Variants in NRXN1 observed in about 807,000 individuals in gnomAD.
The protein encoded by NRXN1 is neurexin-1.
In NRXN1, 39 loss-of-function variants were observed where a neutral mutation model predicts 150.9. The observed-to-expected ratio is 0.26, with a 90% CI of 0.20 to 0.34. NRXN1 has a LOEUF of 0.34. Among genes scored for constraint, NRXN1 ranks in the 10% least tolerant of loss-of-function variants. The pLI is 1.00. For missense variants in NRXN1, 1,815 were observed against 1,949.9 expected (o/e 0.93, Z 1.30); for synonymous variants, 924 against 757.0 (o/e 1.22, Z -3.62).
intron 21 of NRXN1, among the ~76,000 whole-genome samples, chr2:49,996,943 C>T (rs1427922926): frequency 6.6e-6 from 1 of 152,018 alleles, no homozygotes; most frequent in Admixed American, 6.5e-5. Context: ...TCTTGGTGTA[C>T]CTCAACTTTT....
At chr2:50,904,699 T>C (rs1325402193) in intron 5 of NRXN1, among the ~76,000 whole-genome samples, 1 of 152,204 alleles carries the variant, frequency 6.6e-6, no homozygotes, top group African/African-American at 2.4e-5. Context: ...CTGTATTTTA[T>C]CTAGATACAT....
At chr2:50,778,533 A>G (rs559669415) in intron 5 of NRXN1, among the ~76,000 whole-genome samples, 1 of 152,348 alleles carries the variant, frequency 6.6e-6, no homozygotes, top group East Asian at 1.9e-4. Context: ...AGAGGTAGTA[A>G]GAAGGCCACT....
At chr2:49,975,701 G>A (rs1573166273) in intron 21 of NRXN1, among the ~76,000 whole-genome samples, 1 of 152,066 alleles carries the variant, frequency 6.6e-6, no homozygotes, top group Admixed American at 6.6e-5. Flanking sequence ...TTATGACTCA[G>A]AGCACCTGTC....
In NRXN1 at chr2:50,506,548, A is replaced by T. The variant is rs772262679; in HGVS notation, c.2444T>A (p.Val815Asp). ...TAACTTTAAACTTTTTCCACGCCGA[A>T]CTACACGCACTGTGTGCCACTCGTT... ...NDNEWHTVRV[V>D]RRGKSLKLTV... The change falls in exon 13 of 23, where the codon GTT becomes GAT. Residue 815 changes from valine to aspartate, a missense_variant. Val to Asp is a radical substitution (Grantham distance 152). Transcript: ENST00000401669. 1.9e-6 allele frequency: 3 copies of T among 1,613,014 alleles called. No homozygotes were observed. Among genetic ancestry groups the T allele is most frequent in the Non-Finnish European group, 1.7e-6 (2 of 1,179,398 alleles).
chr2:50,321,197 A>G (rs1326241213), intron 17 of NRXN1, among the ~76,000 whole-genome samples: 1 of 152,210 alleles, frequency 6.6e-6, no homozygotes, highest in Non-Finnish European at 1.5e-5. Flanking sequence ...CAGTATGCAG[A>G]AAAACCAGAC....
chr2:51,016,754 G>A (rs183884950), intron 2 of NRXN1, among the ~76,000 whole-genome samples: 2 of 152,200 alleles, frequency 1.3e-5, no homozygotes, highest in East Asian at 1.9e-4. Context: ...TCATTACTGG[G>A]TATATACCCA....
intron 21 of NRXN1, among the ~76,000 whole-genome samples, chr2:50,046,974 A>G (rs1255810988): frequency 6.6e-6 from 1 of 152,172 alleles, no homozygotes; most frequent in African/African-American, 2.4e-5. Context: ...CCTTCGACAA[A>G]TGGTTCCCAT....
chr2:50,875,367 A>C (rs1264718560), intron 5 of NRXN1, among the ~76,000 whole-genome samples: 2 of 151,828 alleles, frequency 1.3e-5, no homozygotes, highest in Non-Finnish European at 2.9e-5. Flanking sequence ...GATTCTACTA[A>C]TGTACACTCT....
At chr2:50,394,808 G>T (rs2081958709) in intron 17 of NRXN1, among the ~76,000 whole-genome samples, 1 of 151,794 alleles carries the variant, frequency 6.6e-6, no homozygotes. Flanking sequence ...AAGGCATCTG[G>T]CCTCCTTCCT....
intron 19 of NRXN1, among the ~76,000 whole-genome samples, chr2:50,087,846 A>G (rs1413205660): frequency 2.0e-5 from 3 of 152,184 alleles, no homozygotes; most frequent in Non-Finnish European, 4.4e-5. Context: ...CCATTGGTCA[A>G]TGCTTTGGTT....
At chr2:49,997,615 C>G (rs185437064) in intron 21 of NRXN1, among the ~76,000 whole-genome samples, 1 of 152,072 alleles carries the variant, frequency 6.6e-6, no homozygotes, top group African/African-American at 2.4e-5. Flanking sequence ...TCATTTTTAT[C>G]CTAACATAGC....
At chr2:50,111,264 G>A (rs1702337803) in intron 18 of NRXN1, among the ~76,000 whole-genome samples, 1 of 152,096 alleles carries the variant, frequency 6.6e-6, no homozygotes, top group African/African-American at 2.4e-5. Context: ...CTCTGACAAA[G>A]GGTCACTTAA....
intron 1 of NRXN1, 124 bp downstream of exon 1, chr2:51,031,857 C>A (rs933709299): frequency 2.0e-5 from 3 of 152,212 alleles, no homozygotes; most frequent in African/African-American, 7.2e-5. Context: ...CCTCCACCCT[C>A]CCACCACCCA....
intron 17 of NRXN1, among the ~76,000 whole-genome samples, chr2:50,353,227 T>C (rs977677483): frequency 2.0e-5 from 3 of 152,158 alleles, no homozygotes; most frequent in Non-Finnish European, 2.9e-5. Flanking sequence ...GTGGCTTGCA[T>C]ACAACTTGGT....
intron 5 of NRXN1, among the ~76,000 whole-genome samples, chr2:50,726,209 A>G (rs938445414): frequency 2.0e-5 from 3 of 152,206 alleles, no homozygotes; most frequent in African/African-American, 7.2e-5. Context: ...TCCCTTAACA[A>G]CTTTTATTTG....
chr2:50,579,198 G>A (rs1440752829), intron 8 of NRXN1, among the ~76,000 whole-genome samples: 1 of 152,144 alleles, frequency 6.6e-6, no homozygotes, highest in Non-Finnish European at 1.5e-5. Context: ...TGCTTTTTGG[G>A]CTACAGGACC....
At chr2:50,940,641 G>T (rs1574997283) in intron 2 of NRXN1, among the ~76,000 whole-genome samples, 1 of 152,186 alleles carries the variant, frequency 6.6e-6, no homozygotes, top group African/African-American at 2.4e-5. Context: ...GATGAAAGTT[G>T]CATACTCCTT....
At chr2:50,236,718 A>C (rs2152879119) in intron 18 of NRXN1, 71 bp downstream of exon 18, 2 of 1,480,148 alleles carry the variant, frequency 1.4e-6, no homozygotes, top group South Asian at 1.2e-5. Flanking sequence ...TCCAAGAAGC[A>C]AAATTATAAA....
At chr2:51,025,830 T>A (rs1269078188) in intron 2 of NRXN1, among the ~76,000 whole-genome samples, 2 of 152,194 alleles carry the variant, frequency 1.3e-5, no homozygotes, top group Non-Finnish European at 2.9e-5. Context: ...CATAGAAATG[T>A]ACTGTTAAAG....
Sources: gnomAD v4.1 joint callset for allele counts (sites outside exome capture counted in the v4.1 genomes callset) on GRCh38, gnomAD v4.1.1 for gene constraint, MANE v1.5 for transcripts, NCBI Gene and HGNC (gene_info 2026-07-23, HGNC 2026-07-21) for gene names.